The following RAB3D variants were observed in gnomAD, a reference collection of about 807,000 sequenced individuals.
RAB3D encodes the protein RAB3D, member RAS oncogene family, also known as ras-related protein Rab-3D.
RAB3D carries 17 observed loss-of-function variants against 19.3 expected under a neutral mutation model. That is an observed-to-expected ratio of 0.88 (90% confidence interval 0.60 to 1.32). The LOEUF (loss-of-function observed/expected upper bound fraction) is 1.32, where lower values mean the gene tolerates loss of function less well. RAB3D is among the 40% of genes most tolerant of loss of function. RAB3D has a pLI of 0.00. For synonymous variants in RAB3D, 103 were observed against 119.9 expected (o/e 0.86, Z 0.92); for missense variants, 223 against 299.1 (o/e 0.75, Z 1.88).
chr19:11,331,405 C>T (rs2080835375), intron 4 of RAB3D, among the ~76,000 whole-genome samples: 1 of 151,478 alleles, frequency 6.6e-6, no homozygotes, highest in South Asian at 2.1e-4. Flanking sequence ...TTTTTTCAAC[C>T]ACTTAAAAAT....
intron 2 of RAB3D, 48 bp from the exon 3 acceptor site, chr19:11,335,831 T>A (rs757931510): frequency 1.3e-6 from 2 of 1,539,948 alleles, no homozygotes; most frequent in Non-Finnish European, 9.0e-7. Flanking sequence ...TGTTTCCCAG[T>A]CCACCCCTGT....
chr19:11,325,647 C>G, intron 4 of RAB3D, 62 bp from the exon 5 acceptor site: 1 of 1,488,246 alleles, frequency 6.7e-7, no homozygotes, highest in Non-Finnish European at 9.2e-7. Context: ...TCAGCTGTGG[C>G]ATCACAGAAA....
At position 11,324,029 on chromosome 19, in the gene RAB3D, A is replaced by G. The variant is rs375844342; in HGVS notation, c.*1369T>C. On this transcript the variant is annotated 3_prime_UTR_variant, in exon 5 of 5. Transcript: ENST00000222120. ...GGAGGTGGGGACCCCAGCTTCAGAG[A>G]CTCCCCGGCACTGATCACAGTCCAT... 1.3e-5 allele frequency: 2 copies of G among 151,590 alleles called. No homozygotes were observed. Among genetic ancestry groups the G allele is most frequent in the Non-Finnish European group, 2.9e-5 (2 of 67,976 alleles). 9.4% of individuals were successfully genotyped at this position (151,590 alleles called of 1,614,324 possible).
Position 11,323,297 on chromosome 19 carries a change from A to G in RAB3D, c.*2101T>C, listed in dbSNP as rs1369629519. The G allele has an allele frequency of 6.6e-6, 1 of 152,192 alleles. No homozygotes were observed. Among genetic ancestry groups the G allele is most frequent in the African/African-American group, 2.4e-5 (1 of 41,458 alleles). 9.4% of individuals were successfully genotyped at this position (152,192 alleles called of 1,614,324 possible). A position where few individuals can be genotyped will look rare whatever the true frequency, so the allele number is the denominator to read the frequency against. ...CACCTCAGTCATCTAATTTGTTGGTATAAAAGATACCCTCGGCTGGGCGTG... is the reference window on the plus strand; with the variant it reads ...CACCTCAGTCATCTAATTTGTTGGTGTAAAAGATACCCTCGGCTGGGCGTG... On this transcript the variant is annotated 3_prime_UTR_variant, in exon 5 of 5. Coordinates refer to ENST00000222120, the MANE Select transcript of RAB3D (RefSeq NM_004283.4).
In RAB3D at chr19:11,338,377, G is replaced by A. The variant is rs185952970; in HGVS notation, c.-61-917C>T. 2.0e-5 allele frequency among the ~76,000 whole-genome samples: 3 copies of A among 152,308 alleles called. No individual in the cohort carries two copies. The East Asian group carries it at 5.8e-4, about 29-fold the overall frequency. On this transcript the variant is annotated intron_variant, in intron 1 of 4. Transcript: ENST00000222120. The stretch of plus-strand genomic sequence containing the variant: ...CGTGTGCAGCCGGTGTGGCCCAGGT[G>A]TAAGCTGGGGTGGGGTGGGGGGAGG...
At position 11,337,395 on chromosome 19, in the gene RAB3D, G is replaced by C. The variant is rs1403771885; in HGVS notation, c.5C>G (p.Ala2Gly). Residue 2 changes from alanine (A) to glycine (G), a missense_variant, in exon 2 of 5, where the codon GCA becomes GGA. Transcript: ENST00000222120. The part of the protein sequence containing the change: M[A>G]SAGDTQAGPR... ...GCCTGCCTGGGTGTCTCCAGCTGAT[G>C]CCATCTTGGCACAAGCCTCCTGGGA... The C allele has an allele frequency of 6.2e-7, 1 of 1,613,088 alleles. No individual in the cohort carries two copies. The highest frequency in any genetic ancestry group is 1.3e-5 in the African/African-American group (1 of 74,898).
At chr19:11,337,978 T>C (rs1240943913) in intron 1 of RAB3D, among the ~76,000 whole-genome samples, 1 of 152,100 alleles carries the variant, frequency 6.6e-6, no homozygotes, top group Non-Finnish European at 1.5e-5. Context: ...CGACCTAAAA[T>C]GTGTTTCTTT....
chr19:11,335,840 G>A, intron 2 of RAB3D, 57 bp from the exon 3 acceptor site: 3 of 1,485,602 alleles, frequency 2.0e-6, no homozygotes, highest in Non-Finnish European at 2.8e-6. Flanking sequence ...GTCCACCCCT[G>A]TCTTAGAGGG....
At chr19:11,330,771 C>T (rs1351279575) in intron 4 of RAB3D, among the ~76,000 whole-genome samples, 1 of 151,928 alleles carries the variant, frequency 6.6e-6, no homozygotes, top group Non-Finnish European at 1.5e-5. Context: ...AGGGTGGTCT[C>T]AAGCTTCTGA....
chr19:11,337,458 G>T lies in RAB3D; in HGVS notation c.-59C>A. The T allele has an allele frequency of 7.3e-7, 1 of 1,371,812 alleles. No individual in the cohort carries two copies. The highest frequency in any genetic ancestry group is 1.0e-6 in the Non-Finnish European group (1 of 962,768). The allele number at this position is 1,371,812 out of a possible 1,614,324, so 85.0% of individuals were successfully genotyped here. A position where few individuals can be genotyped will look rare whatever the true frequency, so the allele number is the denominator to read the frequency against. ...AAATCCTCAGGGAGAGGAGACGGGC[G>T]TCCTGCAGGGGAATCAAACATCAAG... is the stretch of plus-strand genomic sequence containing the variant. On this transcript the variant is annotated splice_region_variant and 5_prime_UTR_variant, in exon 2 of 5. Transcript: ENST00000222120.
intron 4 of RAB3D, among the ~76,000 whole-genome samples, chr19:11,333,817 C>T (rs2080843207): frequency 6.6e-6 from 1 of 152,062 alleles, no homozygotes; most frequent in African/African-American, 2.4e-5. Context: ...CCTCAGCCTC[C>T]CAAGTAGCTG....
chr19:11,338,869 CCT>C (rs1966922917), intron 1 of RAB3D, among the ~76,000 whole-genome samples: 1 of 152,238 alleles, frequency 6.6e-6, no homozygotes, highest in Non-Finnish European at 1.5e-5. Flanking sequence ...ACCCTCATAA[CCT>C]CTCCCAGGCC....
chr19:11,335,375 C>T lies in RAB3D; in HGVS notation c.472+72G>A. The T allele has an allele frequency of 3.1e-6, 5 of 1,587,856 alleles. No homozygotes were observed. The South Asian group carries it at 5.7e-5, about 18-fold the overall frequency. The stretch of plus-strand genomic sequence containing the variant: ...CAAAGGATCAGTGACTGGGTTGGAC[C>T]CTGAATCAGAGGATGGGGATGAGGG... On this transcript the variant is annotated intron_variant, in intron 4 of 4. Transcript: ENST00000222120.
At chr19:11,339,314 G>A (rs1013644171) in intron 1 of RAB3D, among the ~76,000 whole-genome samples, 155 bp downstream of exon 1, 2 of 152,172 alleles carry the variant, frequency 1.3e-5, no homozygotes, top group African/African-American at 4.8e-5. Flanking sequence ...TGGTCCCAAC[G>A]CCTGTCCCCA....
chr19:11,328,932 C>A (rs901023102), intron 4 of RAB3D, among the ~76,000 whole-genome samples: 3 of 137,720 alleles, frequency 2.2e-5, no homozygotes, highest in African/African-American at 8.0e-5. Flanking sequence ...CTTTATTCAT[C>A]TTTTTTTTTT....
Position 11,335,741 on chromosome 19 carries a change from AGGCC to A in RAB3D, c.267_270del (p.Ala90ThrfsTer82). 6.2e-7 allele frequency: 1 copy of A among 1,614,218 alleles called. No homozygotes were observed. Among genetic ancestry groups the A allele is most frequent in the Admixed American group, 1.7e-5 (1 of 60,028 alleles). On this transcript the variant is annotated frameshift_variant, in exon 3 of 5. Coordinates refer to ENST00000222120, the MANE Select transcript of RAB3D (RefSeq NM_004283.4). LOFTEE classifies it high-confidence loss of function. ...AGGAAGCCCATGGCTCCCCGGTAGT[AGGCC>A]GTGGTGATGGTGCGGTAGCGCTCCT...
Position 11,336,948 on chromosome 19 carries a change from C to T in RAB3D, c.228+224G>A, listed in dbSNP as rs546808103. Among the ~76,000 whole-genome samples the T allele has an allele frequency of 4.7e-4, 67 of 143,124 alleles. 1 individual carries two copies. The South Asian group carries it at 0.013, about 29-fold the overall frequency. 93.9% of individuals were successfully genotyped at this position (143,124 alleles called of 152,430 possible). A position where few individuals can be genotyped will look rare whatever the true frequency, so the allele number is the denominator to read the frequency against. ...TTGTGCCATTGTGCTCCAGCCTGGGCGACAGAGCAAGACTCTGTCTCGAGA... is the reference window on the plus strand; with the variant it reads ...TTGTGCCATTGTGCTCCAGCCTGGGTGACAGAGCAAGACTCTGTCTCGAGA... On this transcript the variant is annotated intron_variant, in intron 2 of 4. Coordinates refer to ENST00000222120, the MANE Select transcript of RAB3D (RefSeq NM_004283.4).
chr19:11,336,116 G>C (rs1966893532), intron 2 of RAB3D, among the ~76,000 whole-genome samples: 1 of 152,156 alleles, frequency 6.6e-6, no homozygotes, highest in Non-Finnish European at 1.5e-5. Flanking sequence ...AACTGGGCCA[G>C]ATGGTACCAT....
intron 4 of RAB3D, among the ~76,000 whole-genome samples, chr19:11,331,856 T>C (rs1412990182): frequency 6.6e-6 from 1 of 152,012 alleles, no homozygotes; most frequent in Admixed American, 6.6e-5. Flanking sequence ...TGGAGTTGCA[T>C]AGTGAAGTGT....
Sources: gnomAD v4.1 joint callset for allele counts (sites outside exome capture counted in the v4.1 genomes callset) on GRCh38, gnomAD v4.1.1 for gene constraint, MANE v1.5 for transcripts, NCBI Gene and HGNC (gene_info 2026-07-23, HGNC 2026-07-21) for gene names.